MCPH1: variants seen among roughly 807,000 people sequenced by gnomAD.
MCPH1 encodes the protein microcephalin 1.
MCPH1 carries 104 observed loss-of-function variants against 84.5 expected under a neutral mutation model. The ratio of observed to expected loss-of-function variants is 1.23; its 90% CI spans 1.05 to 1.45. The LOEUF (loss-of-function observed/expected upper bound fraction) is 1.45, where lower values mean the gene tolerates loss of function less well. MCPH1 is among the 40% of genes most tolerant of loss of function. The pLI is 0.00. For missense variants in MCPH1, 1,498 were observed against 1,005.7 expected (o/e 1.49, Z -6.62); for synonymous variants, 514 against 366.8 (o/e 1.40, Z -4.58).
intron 11 of MCPH1, among the ~76,000 whole-genome samples, chr8:6,496,677 T>C (rs971828153): frequency 5.9e-5 from 9 of 152,174 alleles, no homozygotes; most frequent in African/African-American, 2.2e-4. Context: ...TTGGAATAAA[T>C]GTAGTGTTAT....
At chr8:6,467,546 G>C (rs990207879) in intron 9 of MCPH1, among the ~76,000 whole-genome samples, 26 of 152,144 alleles carry the variant, frequency 1.7e-4, no homozygotes, top group African/African-American at 5.8e-4. Context: ...ACCATGGATA[G>C]GAAAGTAGGA....
chr8:6,424,929 C>G (rs1461806306), intron 3 of MCPH1, among the ~76,000 whole-genome samples: 1 of 152,242 alleles, frequency 6.6e-6, no homozygotes, highest in Non-Finnish European at 1.5e-5. Context: ...CTCACTAACA[C>G]AGTGCCGTTT....
At chr8:6,418,194 C>T (rs1799596422) in intron 3 of MCPH1, among the ~76,000 whole-genome samples, 1 of 152,106 alleles carries the variant, frequency 6.6e-6, no homozygotes, top group African/African-American at 2.4e-5. Flanking sequence ...CCCCTGGTCT[C>T]TTCAGCGAGA....
chr8:6,428,091 T>C (rs914710906), intron 3 of MCPH1, among the ~76,000 whole-genome samples: 16 of 151,280 alleles, frequency 1.1e-4, no homozygotes, highest in Non-Finnish European at 2.4e-4. Context: ...CTATACTGTA[T>C]TTTTTTTTTA....
At chr8:6,617,887 T>TA (rs1480819708) in intron 12 of MCPH1, among the ~76,000 whole-genome samples, 2 of 127,984 alleles carry the variant, frequency 1.6e-5, no homozygotes, top group East Asian at 2.4e-4. Flanking sequence ...TCCATCTATC[T>TA]ATCTATCTAT....
At chr8:6,601,807 A>ACCCAATCACATGCCACATAT (rs1359063074) in intron 12 of MCPH1, among the ~76,000 whole-genome samples, 1 of 151,728 alleles carries the variant, frequency 6.6e-6, no homozygotes, top group African/African-American at 2.4e-5. Context: ...ACACACACAC[A>ACCCAATCACATGCCACATAT]AGCCTTTCCT....
chr8:6,598,628 A>C lies in MCPH1; in HGVS notation c.2215-22826A>C, dbSNP rs546677127. Among the ~76,000 whole-genome samples, 5 of 152,336 alleles carry C rather than the reference A, an allele frequency of 3.3e-5. No homozygotes were observed. The South Asian group carries it at 8.3e-4, about 25-fold the overall frequency. Reference sequence around the variant, plus strand: ...CAAAAGGTAAACACCATTTCCCCCAAGCGACCCCAATGTTTGCTGAAGCAA... The same window carrying C: ...CAAAAGGTAAACACCATTTCCCCCACGCGACCCCAATGTTTGCTGAAGCAA... On this transcript the variant is annotated intron_variant, in intron 12 of 13. Transcript: ENST00000344683.
chr8:6,605,485 C>T (rs546307700), intron 12 of MCPH1, among the ~76,000 whole-genome samples: 13 of 152,260 alleles, frequency 8.5e-5, no homozygotes, highest in East Asian at 3.9e-4. Context: ...ATCATGGAAA[C>T]GAACAATATG....
At chr8:6,633,724 C>A (rs1797330885) in intron 13 of MCPH1, among the ~76,000 whole-genome samples, 1 of 152,176 alleles carries the variant, frequency 6.6e-6, no homozygotes. Context: ...CGTGTGCAGG[C>A]TGGACGCACC....
intron 12 of MCPH1, among the ~76,000 whole-genome samples, chr8:6,520,580 G>C (rs1817129074): frequency 6.6e-6 from 1 of 152,092 alleles, no homozygotes; most frequent in Non-Finnish European, 1.5e-5. Flanking sequence ...ATTTTTAGTA[G>C]AGACAGGATT....
chr8:6,534,874 T>C (rs773197335), intron 12 of MCPH1, among the ~76,000 whole-genome samples: 24 of 152,156 alleles, frequency 1.6e-4, no homozygotes, highest in Non-Finnish European at 3.4e-4. Context: ...AAAGAAGCCA[T>C]AAATAGCAGT....
At chr8:6,541,330 A>G (rs1821526862) in intron 12 of MCPH1, among the ~76,000 whole-genome samples, 1 of 152,182 alleles carries the variant, frequency 6.6e-6, no homozygotes, top group Non-Finnish European at 1.5e-5. Context: ...GGCAGTGGCT[A>G]AAGACAGGCT....
intron 12 of MCPH1, among the ~76,000 whole-genome samples, chr8:6,525,083 C>G (rs188390812): frequency 6.6e-6 from 1 of 152,298 alleles, no homozygotes; most frequent in East Asian, 1.9e-4. Context: ...GTAAATCCAC[C>G]TTTTTTTGAC....
Position 6,438,378 on chromosome 8 carries a change from G to A in MCPH1, c.437-575G>A, listed in dbSNP as rs567818904. Among the ~76,000 whole-genome samples the A allele has an allele frequency of 3.9e-5, 6 of 152,164 alleles. No individual in the cohort carries two copies. In the East Asian group the frequency reaches 1.2e-3, roughly 29 times the overall value. On this transcript the variant is annotated intron_variant, in intron 5 of 13. Coordinates refer to ENST00000344683, the MANE Select transcript of MCPH1 (RefSeq NM_024596.5). ...TGATTCTTGGTATTTTTTTGTTGGG[G>A]GTGAGTATCAAAGTTCTGAAGGGCT...
At chr8:6,409,039 C>G (rs543997839) in intron 1 of MCPH1, among the ~76,000 whole-genome samples, 1 of 152,090 alleles carries the variant, frequency 6.6e-6, no homozygotes, top group Non-Finnish European at 1.5e-5. Flanking sequence ...TGCCCGCCAC[C>G]ATGCTCGGCT....
At chr8:6,636,384 C>A (rs1797558077) in intron 13 of MCPH1, among the ~76,000 whole-genome samples, 1 of 151,212 alleles carries the variant, frequency 6.6e-6, no homozygotes, top group African/African-American at 2.4e-5. Flanking sequence ...TGATGCCACA[C>A]AACCACTGAT....
chr8:6,583,905 TC>T (rs1488036197), intron 12 of MCPH1, among the ~76,000 whole-genome samples: 33 of 151,594 alleles, frequency 2.2e-4, no homozygotes, highest in Non-Finnish European at 4.7e-4. Flanking sequence ...TACCTTCTGT[TC>T]TAAATTTTGC....
At chr8:6,496,859 C>T (rs1811289724) in intron 11 of MCPH1, among the ~76,000 whole-genome samples, 1 of 152,120 alleles carries the variant, frequency 6.6e-6, no homozygotes, top group South Asian at 2.1e-4. Context: ...CTTAAAATCC[C>T]TCTTACAGAT....
chr8:6,609,058 A>G (rs1000527526), intron 12 of MCPH1, among the ~76,000 whole-genome samples: 8 of 152,180 alleles, frequency 5.3e-5, no homozygotes, highest in African/African-American at 1.2e-4. Flanking sequence ...CCAACTTTCA[A>G]TGACATTGTG....
Sources: gnomAD v4.1 joint callset for allele counts (sites outside exome capture counted in the v4.1 genomes callset) on GRCh38, gnomAD v4.1.1 for gene constraint, MANE v1.5 for transcripts, NCBI Gene and HGNC (gene_info 2026-07-23, HGNC 2026-07-21) for gene names.